NREP: variants seen among roughly 807,000 people sequenced by gnomAD.
NREP encodes neuronal regeneration related protein, also known as neuronal regeneration-related protein.
A neutral mutation model predicts 8.6 loss-of-function variants in NREP; 5 were observed. That is an observed-to-expected ratio of 0.58 (90% CI 0.30 to 1.22). The LOEUF is 1.22. Among genes scored for constraint, NREP ranks in the 50% most tolerant of loss-of-function variants. The pLI, the probability that NREP is intolerant of heterozygous loss-of-function variation, is 0.07. For synonymous variants in NREP, 27 were observed against 28.0 expected, an observed-to-expected ratio of 0.96 and a Z score of 0.11; for missense variants, 86 against 82.5, an observed-to-expected ratio of 1.04 and a Z score of -0.17.
chr5:111,762,067 A>C (rs1750972457), upstream of NREP, among the ~76,000 whole-genome samples: 3 of 152,308 alleles, frequency 2.0e-5, no homozygotes, highest in Non-Finnish European at 4.4e-5. Context: ...CACATGAGTA[A>C]ATATGAATGG....
chr5:111,796,571 G>C (rs1205874692), intron 2 of NREP, among the ~76,000 whole-genome samples: 2 of 152,128 alleles, frequency 1.3e-5, no homozygotes, highest in Non-Finnish European at 2.9e-5. Context: ...CATATTATGA[G>C]ACAGAGATTA....
At chr5:111,972,401 T>C (rs1053447059) in intron 2 of NREP, among the ~76,000 whole-genome samples, 1 of 152,240 alleles carries the variant, frequency 6.6e-6, no homozygotes, top group Non-Finnish European at 1.5e-5. Context: ...TATTTGTTTT[T>C]CAGGATTGCA....
intron 2 of NREP, among the ~76,000 whole-genome samples, chr5:111,912,211 C>CT (rs1179768416): frequency 6.6e-6 from 1 of 151,976 alleles, no homozygotes; most frequent in Non-Finnish European, 1.5e-5. Flanking sequence ...TCCTTGCACC[C>CT]TTTTTTCATC....
At chr5:111,933,779 TGAAA>T (rs1477149602) in intron 2 of NREP, among the ~76,000 whole-genome samples, 2 of 152,070 alleles carry the variant, frequency 1.3e-5, no homozygotes, top group Non-Finnish European at 2.9e-5. Context: ...TTGCTCTACT[TGAAA>T]GAAAGTCTAT....
At chr5:111,918,677 G>C (rs972192768) in intron 2 of NREP, among the ~76,000 whole-genome samples, 2 of 151,996 alleles carry the variant, frequency 1.3e-5, no homozygotes, top group African/African-American at 2.4e-5. Context: ...GATGAAACTA[G>C]ACCCCTTCCT....
intron 2 of NREP, among the ~76,000 whole-genome samples, chr5:111,876,786 C>G (rs1397898490): frequency 2.0e-5 from 3 of 152,070 alleles, no homozygotes; most frequent in East Asian, 1.9e-4. Context: ...AGGCACTAGT[C>G]TAAGTGTTTT....
At chr5:111,805,436 T>C (rs911255111) in intron 2 of NREP, among the ~76,000 whole-genome samples, 2 of 152,176 alleles carry the variant, frequency 1.3e-5, no homozygotes, top group Non-Finnish European at 2.9e-5. Flanking sequence ...TGGAGAGAGA[T>C]TGGATAAACT....
chr5:111,871,021 G>A (rs1223922110), intron 2 of NREP, among the ~76,000 whole-genome samples: 1 of 150,404 alleles, frequency 6.6e-6, no homozygotes, highest in Non-Finnish European at 1.5e-5. Flanking sequence ...ATCTGTATTA[G>A]TAAGGGTTCT....
intron 2 of NREP, among the ~76,000 whole-genome samples, chr5:111,858,369 G>A (rs1184222953): frequency 6.6e-6 from 1 of 151,964 alleles, no homozygotes; most frequent in South Asian, 2.1e-4. Flanking sequence ...TCCACAACCC[G>A]GGTCTCTCCC....
chr5:111,815,557 G>A (rs1023805088), intron 2 of NREP, among the ~76,000 whole-genome samples: 2 of 151,812 alleles, frequency 1.3e-5, no homozygotes, highest in Admixed American at 6.6e-5. Context: ...TTTCACCAGT[G>A]AGAGTATCTA....
At chr5:111,851,322 C>A (rs1427768709) in intron 2 of NREP, among the ~76,000 whole-genome samples, 1 of 152,192 alleles carries the variant, frequency 6.6e-6, no homozygotes, top group Non-Finnish European at 1.5e-5. Flanking sequence ...AGTCAAGCTC[C>A]ATGAAGCCTC....
intron 2 of NREP, among the ~76,000 whole-genome samples, chr5:111,925,612 C>G (rs1755363732): frequency 1.3e-5 from 2 of 152,132 alleles, no homozygotes; most frequent in South Asian, 4.1e-4. Flanking sequence ...TAAACTTGTA[C>G]TTTAGGACTA....
intron 2 of NREP, among the ~76,000 whole-genome samples, chr5:111,789,202 A>G (rs1372316705): frequency 3.9e-5 from 6 of 152,180 alleles, no homozygotes; most frequent in Non-Finnish European, 8.8e-5. Flanking sequence ...TGTGTGTAAT[A>G]TATTGTTTCT....
At chr5:111,892,200 G>A (rs190484066) in intron 2 of NREP, among the ~76,000 whole-genome samples, 1 of 152,238 alleles carries the variant, frequency 6.6e-6, no homozygotes, top group Admixed American at 6.5e-5. Flanking sequence ...ACATTACTAT[G>A]GGTACCTATG....
At chr5:111,867,386 A>T (rs1241384185) in intron 2 of NREP, among the ~76,000 whole-genome samples, 1 of 152,030 alleles carries the variant, frequency 6.6e-6, no homozygotes, top group Non-Finnish European at 1.5e-5. Context: ...TCATGCATGC[A>T]TGGGGAGGAC....
chr5:111,907,166 T>C (rs959724607), intron 2 of NREP, among the ~76,000 whole-genome samples: 2 of 152,112 alleles, frequency 1.3e-5, no homozygotes, highest in Non-Finnish European at 2.9e-5. Context: ...TAACAGTGTT[T>C]TTTTTGCCAA....
At chr5:111,810,669 T>C (rs1206292106) in intron 2 of NREP, among the ~76,000 whole-genome samples, 1 of 152,222 alleles carries the variant, frequency 6.6e-6, no homozygotes, top group Non-Finnish European at 1.5e-5. Flanking sequence ...ATACAGCTTC[T>C]TGTATCATGT....
intron 2 of NREP, among the ~76,000 whole-genome samples, chr5:111,922,969 C>T (rs925025658): frequency 1.3e-5 from 2 of 152,120 alleles, no homozygotes; most frequent in African/African-American, 2.4e-5. Context: ...CTATTTCATC[C>T]GATCCTTTCT....
At chr5:111,780,248 A>C (rs1016210532) in intron 2 of NREP, among the ~76,000 whole-genome samples, 2 of 152,228 alleles carry the variant, frequency 1.3e-5, no homozygotes, top group Non-Finnish European at 2.9e-5. Context: ...AGCAGAATAC[A>C]TTAGTGGGAC....
Sources: gnomAD v4.1 joint callset for allele counts (sites outside exome capture counted in the v4.1 genomes callset) on GRCh38, gnomAD v4.1.1 for gene constraint, MANE v1.5 for transcripts, NCBI Gene and HGNC (gene_info 2026-07-23, HGNC 2026-07-21) for gene names.